TYR: variants seen among roughly 807,000 people sequenced by gnomAD.
TYR encodes tyrosinase, also known as LB24-AB.
In TYR, 58 loss-of-function variants were observed where a neutral mutation model predicts 51.5. The ratio of observed to expected loss-of-function variants is 1.13; its 90% CI spans 0.91 to 1.40. The LOEUF (loss-of-function observed/expected upper bound fraction) is 1.40, where lower values mean the gene tolerates loss of function less well. Ranked by LOEUF, TYR falls within the 40% of genes most tolerant of loss-of-function variation. The probability of loss-of-function intolerance (pLI) is 0.00; values close to 1 mark genes in which losing one functional copy is unlikely to be tolerated. For missense variants in TYR, 732 were observed against 647.4 expected (o/e 1.13, Z -1.42); for synonymous variants, 263 against 235.2 (o/e 1.12, Z -1.08).
chr11:89,273,291 G>A (rs954212668), intron 3 of TYR, among the ~76,000 whole-genome samples: 3 of 151,712 alleles, frequency 2.0e-5, no homozygotes, highest in Non-Finnish European at 4.4e-5. Flanking sequence ...GCCATTGTAG[G>A]GTTATTAATT....
chr11:89,226,084 G>T (rs1172832370), intron 2 of TYR, among the ~76,000 whole-genome samples: 1 of 152,024 alleles, frequency 6.6e-6, no homozygotes, highest in African/African-American at 2.4e-5. Context: ...ACTTTAAAAA[G>T]TGTGAGAGTT....
At chr11:89,179,114 A>G (rs1000986998) in intron 1 of TYR, among the ~76,000 whole-genome samples, 1 of 152,184 alleles carries the variant, frequency 6.6e-6, no homozygotes, top group Non-Finnish European at 1.5e-5. Context: ...GAATGAATGA[A>G]TATCTGGATG....
chr11:89,238,056 G>A (rs953108908), intron 3 of TYR, among the ~76,000 whole-genome samples: 4 of 151,868 alleles, frequency 2.6e-5, no homozygotes, highest in African/African-American at 9.7e-5. Context: ...GGCTGGTCTC[G>A]AACTCCTGAC....
At chr11:89,215,381 G>C (rs1053478434) in intron 2 of TYR, among the ~76,000 whole-genome samples, 2 of 146,728 alleles carry the variant, frequency 1.4e-5, no homozygotes, top group Non-Finnish European at 3.0e-5. Context: ...GGGGTGGGGG[G>C]CTGGGGGAGG....
At chr11:89,273,984 A>G (rs1944621805) in intron 3 of TYR, among the ~76,000 whole-genome samples, 1 of 151,532 alleles carries the variant, frequency 6.6e-6, no homozygotes, top group Non-Finnish European at 1.5e-5. Flanking sequence ...CTCTTTAAAG[A>G]TCTTATCTCC....
intron 4 of TYR, among the ~76,000 whole-genome samples, chr11:89,289,966 A>G (rs188279295): frequency 6.6e-6 from 1 of 152,188 alleles, no homozygotes; most frequent in Admixed American, 6.6e-5. Flanking sequence ...TAGACATTGT[A>G]CCAAGGGCTA....
At chr11:89,291,208 C>T (rs1010540873) in intron 4 of TYR, among the ~76,000 whole-genome samples, 12 of 152,046 alleles carry the variant, frequency 7.9e-5, no homozygotes, top group Middle Eastern at 3.4e-3. Flanking sequence ...TGTTCATTCT[C>T]TCATATGTGT....
chr11:89,217,567 T>A (rs991382541), intron 2 of TYR, among the ~76,000 whole-genome samples: 1 of 152,216 alleles, frequency 6.6e-6, no homozygotes, highest in African/African-American at 2.4e-5. Context: ...GGGCCACATA[T>A]AAATGTGAGG....
At chr11:89,209,167 G>T (rs980541829) in intron 2 of TYR, among the ~76,000 whole-genome samples, 1 of 152,192 alleles carries the variant, frequency 6.6e-6, no homozygotes, top group Non-Finnish European at 1.5e-5. Flanking sequence ...AAGGGGTTGG[G>T]GGATTTCCCT....
intron 2 of TYR, among the ~76,000 whole-genome samples, chr11:89,223,673 G>T (rs1943940875): frequency 6.6e-6 from 1 of 152,008 alleles, no homozygotes. Context: ...CTCTGATTTT[G>T]ATTATCGGAA....
chr11:89,286,033 C>A (rs911205147), intron 4 of TYR, among the ~76,000 whole-genome samples: 1 of 151,810 alleles, frequency 6.6e-6, no homozygotes, highest in African/African-American at 2.4e-5. Context: ...TAGTTTCATA[C>A]CTGAAGAAGC....
chr11:89,258,779 G>A (rs1944424060), intron 3 of TYR, among the ~76,000 whole-genome samples: 1 of 152,030 alleles, frequency 6.6e-6, no homozygotes, highest in Non-Finnish European at 1.5e-5. Flanking sequence ...TCCAAAGGCT[G>A]ACCTATCTAT....
Position 89,283,510 on chromosome 11 carries a change from G to C in TYR, c.1185-1263G>C, listed in dbSNP as rs372010193. Among the ~76,000 whole-genome samples the C allele has an allele frequency of 1.1e-3, 161 of 151,840 alleles. 1 individual carries two copies. The highest frequency in any genetic ancestry group is 3.7e-3 in the African/African-American group (154 of 41,462). On this transcript the variant is annotated intron_variant, in intron 3 of 4. Coordinates refer to ENST00000263321, the MANE Select transcript of TYR (RefSeq NM_000372.5). ...CTAAGTAACGATAGCTTATTATTTA[G>C]TACTTTCACAAAAACTATCATATTG...
chr11:89,258,208 TTA>T (rs1345543126), intron 3 of TYR, among the ~76,000 whole-genome samples: 1 of 152,052 alleles, frequency 6.6e-6, no homozygotes, highest in Non-Finnish European at 1.5e-5. Flanking sequence ...GAAACTTTTT[TTA>T]TGTTTCTTTT....
intron 3 of TYR, among the ~76,000 whole-genome samples, chr11:89,279,709 G>A (rs927665765): frequency 6.6e-6 from 1 of 151,610 alleles, no homozygotes; most frequent in Non-Finnish European, 1.5e-5. Context: ...CCCAAAAAGG[G>A]CTATGCTATT....
intron 4 of TYR, among the ~76,000 whole-genome samples, chr11:89,288,777 C>G (rs1944823082): frequency 6.6e-6 from 1 of 151,872 alleles, no homozygotes; most frequent in African/African-American, 2.4e-5. Context: ...TAAGTAACAC[C>G]AATTGCCTAT....
intron 3 of TYR, among the ~76,000 whole-genome samples, chr11:89,256,124 G>A (rs373695326): frequency 6.6e-6 from 1 of 151,740 alleles, no homozygotes; most frequent in East Asian, 1.9e-4. Flanking sequence ...TGTGGCTAAT[G>A]AGCACGTAAA....
At chr11:89,235,923 A>G (rs1357945335) in intron 3 of TYR, among the ~76,000 whole-genome samples, 1 of 152,152 alleles carries the variant, frequency 6.6e-6, no homozygotes, top group Admixed American at 6.6e-5. Flanking sequence ...ATATATCAGC[A>G]TCACATTATG....
At chr11:89,275,294 CA>C (rs368404809) in intron 3 of TYR, among the ~76,000 whole-genome samples, 238 of 151,962 alleles carry the variant, frequency 1.6e-3, no homozygotes, top group African/African-American at 5.6e-3. Context: ...ATGCTTGGAA[CA>C]AAACATGAAA....
Sources: allele counts gnomAD v4.1 joint callset (sites outside exome capture counted in the v4.1 genomes callset), GRCh38; gene constraint gnomAD v4.1.1; transcripts MANE v1.5; gene names NCBI Gene and HGNC (gene_info 2026-07-23, HGNC 2026-07-21).